The following NCK2 variants were observed in gnomAD, a reference collection of about 807,000 sequenced individuals.
The protein encoded by NCK2 is cytoplasmic protein NCK2.
Under a neutral mutation model 33.9 loss-of-function variants are expected in NCK2, and 16 were observed. That is an observed-to-expected ratio of 0.47 (90% CI 0.32 to 0.72). The LOEUF is 0.72. Ranked by LOEUF, NCK2 falls within the 30% of genes least tolerant of loss-of-function variation. NCK2 has a pLI of 0.03. For missense variants in NCK2, 418 were observed against 537.3 expected, an observed-to-expected ratio of 0.78 and a Z score of 2.19; for synonymous variants, 273 against 239.9, an observed-to-expected ratio of 1.14 and a Z score of -1.27.
chr2:105,763,973 T>G, intron 1 of NCK2, among the ~76,000 whole-genome samples: 1 of 152,234 alleles, frequency 6.6e-6, no homozygotes, highest in East Asian at 1.9e-4. Context: ...TGATATTTAT[T>G]GAGCACTTAA....
At chr2:105,834,972 C>T (rs1446845223) in intron 2 of NCK2, among the ~76,000 whole-genome samples, 2 of 152,132 alleles carry the variant, frequency 1.3e-5, no homozygotes, top group Non-Finnish European at 2.9e-5. Flanking sequence ...TCCACTATGC[C>T]TAGCCCTACA....
chr2:105,781,652 TGTAAG>T (rs1690500143), intron 1 of NCK2, among the ~76,000 whole-genome samples: 2 of 152,162 alleles, frequency 1.3e-5, no homozygotes, highest in East Asian at 3.9e-4. Flanking sequence ...ATAGCAGTCT[TGTAAG>T]GTAGTTGTTA....
chr2:105,807,254 G>T (rs2104459292), intron 1 of NCK2, among the ~76,000 whole-genome samples: 1 of 152,312 alleles, frequency 6.6e-6, no homozygotes, highest in South Asian at 2.1e-4. Flanking sequence ...CGCCCTCGCA[G>T]ACATCATGTT....
At chr2:105,817,222 G>C (rs1468901832) in intron 2 of NCK2, among the ~76,000 whole-genome samples, 1 of 150,326 alleles carries the variant, frequency 6.7e-6, no homozygotes, top group East Asian at 2.0e-4. Flanking sequence ...ACAGATGAAG[G>C]ATTCTCAGGA....
chr2:105,844,747 GATATAT>G (rs67123338), intron 2 of NCK2, among the ~76,000 whole-genome samples: 18 of 133,600 alleles, frequency 1.3e-4, no homozygotes, highest in Admixed American at 6.1e-4. Context: ...GGCGGGGGGG[GATATAT>G]ATATATATAT....
chr2:105,871,089 C>T (rs753456462), intron 3 of NCK2, among the ~76,000 whole-genome samples: 6 of 151,902 alleles, frequency 3.9e-5, no homozygotes, highest in Non-Finnish European at 7.4e-5. Flanking sequence ...CCTGGAGGGT[C>T]GATGAGTGCG....
chr2:105,820,754 A>G (rs1222990888), intron 2 of NCK2, among the ~76,000 whole-genome samples: 1 of 152,236 alleles, frequency 6.6e-6, no homozygotes, highest in Admixed American at 6.5e-5. Context: ...CTTGTCTGCT[A>G]TGCTGCAGAT....
At chr2:105,869,916 T>G (rs1439305198) in intron 3 of NCK2, among the ~76,000 whole-genome samples, 1 of 152,236 alleles carries the variant, frequency 6.6e-6, no homozygotes, top group Non-Finnish European at 1.5e-5. Flanking sequence ...TTAGACCATT[T>G]TTTTTTCAGG....
intron 1 of NCK2, among the ~76,000 whole-genome samples, chr2:105,746,435 T>G (rs1344872279): frequency 6.6e-6 from 1 of 152,236 alleles, no homozygotes. Flanking sequence ...TTCATGCCTC[T>G]GTTTTAGATG....
chr2:105,768,501 GA>G (rs1216694842), intron 1 of NCK2, among the ~76,000 whole-genome samples: 1 of 152,146 alleles, frequency 6.6e-6, no homozygotes, highest in East Asian at 1.9e-4. Context: ...GGGTTCCCAT[GA>G]CCTCACTTCA....
chr2:105,893,137 G>A lies in NCK2; in HGVS notation c.1104G>A (p.Glu368=), dbSNP rs994282203. The part of the protein sequence containing the change: ...HYKKAPIFTS[E]HGEKLYLVRA... ...AAAAGGCGCCCATCTTCACCAGCGA[G>A]CACGGGGAGAAGCTCTACCTCGTCA... The change falls in exon 5 of 5, where the codon GAG becomes GAA. Residue 368 remains glutamate (E), a synonymous_variant. Transcript: ENST00000233154. 9.9e-6 allele frequency: 16 copies of A among 1,611,132 alleles called. No homozygotes were observed. Among genetic ancestry groups the A allele is most frequent in the Non-Finnish European group, 1.4e-5 (16 of 1,178,628 alleles).
intron 1 of NCK2, among the ~76,000 whole-genome samples, chr2:105,797,718 C>T (rs1357462787): frequency 6.6e-6 from 1 of 152,212 alleles, no homozygotes; most frequent in African/African-American, 2.4e-5. Context: ...GATGCAAAGT[C>T]TTTCGTAACC....
chr2:105,786,582 G>A (rs914251334), intron 1 of NCK2, among the ~76,000 whole-genome samples: 5 of 152,162 alleles, frequency 3.3e-5, no homozygotes, highest in Admixed American at 2.6e-4. Context: ...CCGGCCTCGC[G>A]CGGTTATGAG....
At chr2:105,777,431 T>C (rs1476314354) in intron 1 of NCK2, among the ~76,000 whole-genome samples, 1 of 152,070 alleles carries the variant, frequency 6.6e-6, no homozygotes, top group Admixed American at 6.5e-5. Flanking sequence ...GTGGGTGGAA[T>C]GAAATGACCC....
intron 1 of NCK2, among the ~76,000 whole-genome samples, chr2:105,769,530 C>T (rs918117287): frequency 1.3e-5 from 2 of 152,190 alleles, no homozygotes; most frequent in African/African-American, 4.8e-5. Context: ...CTTATAATAA[C>T]GTACAGAAGA....
At chr2:105,819,906 G>C (rs1381908630) in intron 2 of NCK2, among the ~76,000 whole-genome samples, 1 of 141,326 alleles carries the variant, frequency 7.1e-6, no homozygotes, top group African/African-American at 2.5e-5. Flanking sequence ...TGCAGTGACT[G>C]TTGTAGCAGT....
rs72825146 is a variant in NCK2, at chr2:105,797,489, G to A, written c.-200-18941G>A. Reference sequence around the variant, plus strand: ...AAGCAGCAGGCTGCCAGGCTGTGCGGGCTAGCAGAAGGGAGGTTCTTAAAT... The same window carrying A: ...AAGCAGCAGGCTGCCAGGCTGTGCGAGCTAGCAGAAGGGAGGTTCTTAAAT... On this transcript the variant is annotated intron_variant, in intron 1 of 4. Coordinates refer to ENST00000233154, the MANE Select transcript of NCK2 (RefSeq NM_003581.5). Among the ~76,000 whole-genome samples the A allele has an allele frequency of 2.8e-3, 419 of 152,300 alleles. 1 individual carries two copies. Among genetic ancestry groups the A allele is most frequent in the South Asian group, 5.2e-3 (25 of 4,822 alleles).
chr2:105,853,469 T>C (rs1677142258), intron 2 of NCK2, among the ~76,000 whole-genome samples: 1 of 152,214 alleles, frequency 6.6e-6, no homozygotes. Context: ...TAATGACAGG[T>C]GTCCGCCATT....
intron 1 of NCK2, among the ~76,000 whole-genome samples, chr2:105,768,028 C>G (rs1315473220): frequency 6.6e-6 from 1 of 152,182 alleles, no homozygotes; most frequent in African/African-American, 2.4e-5. Flanking sequence ...GCAGCACTGT[C>G]CAGCAGAAAT....
Sources: allele counts gnomAD v4.1 joint callset (sites outside exome capture counted in the v4.1 genomes callset), GRCh38; gene constraint gnomAD v4.1.1; transcripts MANE v1.5; gene names NCBI Gene and HGNC (gene_info 2026-07-23, HGNC 2026-07-21).